The following RTN1 variants were observed in gnomAD, a reference collection of about 807,000 sequenced individuals.
The protein encoded by RTN1 is reticulon-1.
In RTN1, 25 loss-of-function variants were observed where a neutral mutation model predicts 65.5. The observed-to-expected ratio is 0.38, with a 90% CI of 0.28 to 0.53. The LOEUF (loss-of-function observed/expected upper bound fraction) is 0.53. Ranked by LOEUF, RTN1 falls within the 20% of genes least tolerant of loss-of-function variation. The pLI is 0.79. For synonymous variants in RTN1, 471 were observed against 447.6 expected, an observed-to-expected ratio of 1.05 and a Z score of -0.66; for missense variants, 983 against 1,025.4, an observed-to-expected ratio of 0.96 and a Z score of 0.57.
intron 1 of RTN1, among the ~76,000 whole-genome samples, chr14:59,777,202 G>A (rs1228726399): frequency 6.6e-6 from 1 of 152,108 alleles, no homozygotes; most frequent in African/African-American, 2.4e-5. Flanking sequence ...AAGAGCAAAT[G>A]GTGCACACCA....
chr14:59,744,484 C>T (rs898144910), intron 2 of RTN1, among the ~76,000 whole-genome samples: 2 of 152,116 alleles, frequency 1.3e-5, no homozygotes, highest in Non-Finnish European at 1.5e-5. Context: ...TGACAGAATA[C>T]GCATGAGTGC....
intron 3 of RTN1, among the ~76,000 whole-genome samples, chr14:59,672,487 T>C (rs1215288285): frequency 6.6e-6 from 1 of 152,180 alleles, no homozygotes; most frequent in Non-Finnish European, 1.5e-5. Context: ...ACACATCATA[T>C]GGCAAATTTC....
chr14:59,658,535 AG>A (rs1249298086), intron 3 of RTN1, among the ~76,000 whole-genome samples: 1 of 152,212 alleles, frequency 6.6e-6, no homozygotes. Context: ...TTCCAGAGGA[AG>A]GAACAGGCAG....
At chr14:59,765,768 GT>G (rs57268766) in intron 1 of RTN1, among the ~76,000 whole-genome samples, 2,569 of 144,754 alleles carry the variant, frequency 0.018, 42 homozygotes, top group African/African-American at 0.046. Context: ...AATGCTCATG[GT>G]TTTTTTTTTT....
intron 1 of RTN1, among the ~76,000 whole-genome samples, chr14:59,847,307 C>A (rs1887428517): frequency 6.6e-6 from 1 of 152,120 alleles, no homozygotes; most frequent in Non-Finnish European, 1.5e-5. Context: ...GAAAAATAGT[C>A]CCTATCTCTT....
intron 1 of RTN1, among the ~76,000 whole-genome samples, chr14:59,771,216 AT>A (rs1885952004): frequency 1.3e-5 from 2 of 152,130 alleles, no homozygotes; most frequent in Admixed American, 1.3e-4. Context: ...TTGATCTCAT[AT>A]TTGCAAAACA....
intron 3 of RTN1, 183 bp from the exon 4 acceptor site, chr14:59,607,675 A>AT (rs1881806722): frequency 1.6e-6 from 1 of 612,658 alleles, no homozygotes; most frequent in Non-Finnish European, 2.9e-6. Flanking sequence ...TTGGTTTGGA[A>AT]GAATCTTTTC....
At chr14:59,677,060 C>T (rs148437464) in intron 3 of RTN1, among the ~76,000 whole-genome samples, 2 of 152,314 alleles carry the variant, frequency 1.3e-5, no homozygotes, top group African/African-American at 4.8e-5. Flanking sequence ...GGTGTACCAG[C>T]CCACACTTTC....
intron 3 of RTN1, among the ~76,000 whole-genome samples, chr14:59,689,598 A>G (rs1594679822): frequency 6.6e-6 from 1 of 152,240 alleles, no homozygotes; most frequent in East Asian, 1.9e-4. Context: ...CCATCAGCTA[A>G]CAGCGGACTT....
chr14:59,678,494 C>G (rs1257293641), intron 3 of RTN1, among the ~76,000 whole-genome samples: 1 of 152,194 alleles, frequency 6.6e-6, no homozygotes, highest in African/African-American at 2.4e-5. Context: ...GGCCAGCGCA[C>G]TCAGATTGCA....
At chr14:59,669,519 T>C (rs757810662) in intron 3 of RTN1, among the ~76,000 whole-genome samples, 6 of 152,078 alleles carry the variant, frequency 3.9e-5, no homozygotes, top group Admixed American at 6.6e-5. Flanking sequence ...GATGAGTTGA[T>C]GGATGCAGCA....
chr14:59,626,878 C>T (rs1411036391), intron 3 of RTN1, among the ~76,000 whole-genome samples: 2 of 152,156 alleles, frequency 1.3e-5, no homozygotes, highest in Non-Finnish European at 2.9e-5. Context: ...CAGTGACAAC[C>T]ATGGTATAAA....
intron 3 of RTN1, among the ~76,000 whole-genome samples, chr14:59,705,475 G>T (rs1884271535): frequency 6.6e-6 from 1 of 152,308 alleles, no homozygotes; most frequent in Admixed American, 6.5e-5. Flanking sequence ...TTAAAGCAAT[G>T]ATTCTTTTTA....
chr14:59,601,089 C>G (rs1034368202), intron 8 of RTN1, among the ~76,000 whole-genome samples: 3 of 152,162 alleles, frequency 2.0e-5, no homozygotes, highest in Non-Finnish European at 2.9e-5. Flanking sequence ...GGGTTGGAAT[C>G]AAAACTCCAC....
intron 1 of RTN1, among the ~76,000 whole-genome samples, chr14:59,749,266 CTATATATA>C (rs796334225): frequency 1.0e-4 from 2 of 19,832 alleles, no homozygotes; most frequent in African/African-American, 7.2e-4. Context: ...CTATATATAT[CTATATATA>C]TATCTATATA....
intron 3 of RTN1, among the ~76,000 whole-genome samples, chr14:59,677,940 C>A (rs1883661253): frequency 6.6e-6 from 1 of 152,210 alleles, no homozygotes; most frequent in Non-Finnish European, 1.5e-5. Flanking sequence ...GAACAGTCCC[C>A]TAAAATAGTC....
chr14:59,837,951 C>T (rs1887241949), intron 1 of RTN1, among the ~76,000 whole-genome samples: 1 of 151,720 alleles, frequency 6.6e-6, no homozygotes, highest in Non-Finnish European at 1.5e-5. Context: ...AAAATAATTC[C>T]TATTTTTATT....
chr14:59,812,340 A>G (rs1045190861), intron 1 of RTN1, among the ~76,000 whole-genome samples: 1 of 152,252 alleles, frequency 6.6e-6, no homozygotes, highest in African/African-American at 2.4e-5. Flanking sequence ...TCATAAAAAC[A>G]GAAGCAGTTT....
At chr14:59,822,396 C>T (rs1181078787) in intron 1 of RTN1, among the ~76,000 whole-genome samples, 3 of 152,116 alleles carry the variant, frequency 2.0e-5, no homozygotes, top group Admixed American at 6.5e-5. Context: ...TGGATCTTCT[C>T]TCTTTTGTTC....
Sources: allele counts gnomAD v4.1 joint callset (sites outside exome capture counted in the v4.1 genomes callset), GRCh38; gene constraint gnomAD v4.1.1; transcripts MANE v1.5; gene names NCBI Gene and HGNC (gene_info 2026-07-23, HGNC 2026-07-21).